Variants in PARVA observed in about 807,000 individuals in gnomAD.
PARVA encodes the protein parvin alpha, also known as alpha-parvin.
PARVA carries 25 observed loss-of-function variants against 52.6 expected under a neutral mutation model. The observed-to-expected ratio is 0.48, with a 90% CI of 0.35 to 0.66. The LOEUF (loss-of-function observed/expected upper bound fraction) is 0.66, where lower values mean the gene tolerates loss of function less well. Among genes scored for constraint, PARVA ranks in the 30% least tolerant of loss-of-function variants. The probability of loss-of-function intolerance (pLI) is 0.01; values close to 1 mark genes in which losing one functional copy is unlikely to be tolerated. For missense variants in PARVA, 373 were observed against 450.9 expected, an observed-to-expected ratio of 0.83 and a Z score of 1.56; for synonymous variants, 185 against 179.1, an observed-to-expected ratio of 1.03 and a Z score of -0.26.
chr11:12,396,792 G>C (rs1465510061), intron 1 of PARVA, among the ~76,000 whole-genome samples: 1 of 152,100 alleles, frequency 6.6e-6, no homozygotes, highest in African/African-American at 2.4e-5. Flanking sequence ...ATTTTTAAAG[G>C]GTAGAAATAT....
rs1366578008 is a variant in PARVA, at chr11:12,496,564, A to G, written c.507A>G (p.Lys169=). ...TGGAGAAGATCAATGAAACCCTGAAACTTCCTCCCAGGAGCATCAAGTGGA... is the reference window on the plus strand; with the variant it reads ...TGGAGAAGATCAATGAAACCCTGAAGCTTCCTCCCAGGAGCATCAAGTGGA... The part of the protein sequence containing the change: ...TVLEKINETL[K]LPPRSIKWNV... Residue 169 remains lysine (K), a synonymous_variant, in exon 5 of 13, where the codon AAA becomes AAG. Coordinates refer to ENST00000334956, the MANE Select transcript of PARVA (RefSeq NM_018222.5). The G allele has an allele frequency of 1.2e-6, 2 of 1,612,316 alleles. No homozygotes were observed. The highest frequency in any genetic ancestry group is 3.3e-5 in the Admixed American group (2 of 59,830).
chr11:12,385,759 G>A (rs1161215050), intron 1 of PARVA, among the ~76,000 whole-genome samples: 1 of 152,114 alleles, frequency 6.6e-6, no homozygotes, highest in Admixed American at 6.5e-5. Context: ...ATTTTCATGT[G>A]TTACAAAAGA....
chr11:12,523,625 G>A (rs955185741), intron 12 of PARVA, among the ~76,000 whole-genome samples: 3 of 152,120 alleles, frequency 2.0e-5, no homozygotes, highest in African/African-American at 7.2e-5. Flanking sequence ...CTCTGGGGGG[G>A]AGGAGCAAAC....
chr11:12,458,571 A>G (rs927968759), intron 1 of PARVA, among the ~76,000 whole-genome samples: 1 of 114,256 alleles, frequency 8.8e-6, no homozygotes, highest in Non-Finnish European at 1.8e-5. Context: ...TCCTAAAAAT[A>G]TACTAACTCC....
rs1048245738 is a variant in PARVA at position 12,533,525 on chromosome 11, G to A, written c.*5600G>A. Among the ~76,000 whole-genome samples the A allele has an allele frequency of 1.3e-5, 2 of 152,104 alleles. No individual in the cohort carries two copies. Among genetic ancestry groups the A allele is most frequent in the Non-Finnish European group, 2.9e-5 (2 of 68,024 alleles). ...TGAAACAACTTTCATATGAAAGTAC[G>A]GTTGATCCTTGAATGATATGGGCAC... On this transcript the variant is annotated 3_prime_UTR_variant, in exon 13 of 13. Transcript: ENST00000334956.
intron 1 of PARVA, among the ~76,000 whole-genome samples, chr11:12,409,135 G>C (rs138664868): frequency 2.6e-5 from 4 of 152,346 alleles, no homozygotes; most frequent in African/African-American, 9.6e-5. Context: ...GAGGATTTTA[G>C]CAAGTGAGTG....
At chr11:12,499,340 T>C (rs1460086751) in intron 5 of PARVA, among the ~76,000 whole-genome samples, 3 of 152,166 alleles carry the variant, frequency 2.0e-5, no homozygotes, top group Admixed American at 2.0e-4. Flanking sequence ...GATGTAAACC[T>C]GAGGACACTG....
At chr11:12,460,656 G>A (rs932410267) in intron 1 of PARVA, among the ~76,000 whole-genome samples, 1 of 152,138 alleles carries the variant, frequency 6.6e-6, no homozygotes, top group Admixed American at 6.5e-5. Flanking sequence ...TGTTTCCAAG[G>A]TTACCTCTTA....
intron 1 of PARVA, among the ~76,000 whole-genome samples, chr11:12,470,929 G>A (rs1348669983): frequency 6.6e-6 from 1 of 152,314 alleles, no homozygotes; most frequent in Non-Finnish European, 1.5e-5. Context: ...GATAGGCCAG[G>A]CAAAAGATAA....
In PARVA at chr11:12,513,345, G is replaced by A. The variant is rs1476335072; in HGVS notation, c.783G>A (p.Leu261=). The change falls in exon 9 of 13, where the codon CTG becomes CTA. Residue 261 remains leucine (L), a synonymous_variant. Transcript: ENST00000334956. ...TGTTCGACCATGCCCCAGACAAGCT[G>A]AATGTGGTGAAAAAGGTGGGAAAGG... is the stretch of plus-strand genomic sequence containing the variant. ...DTLFDHAPDK[L]NVVKKTLITF... 1.9e-6 allele frequency: 3 copies of A among 1,613,924 alleles called. No homozygotes were observed. In the Admixed American group the frequency reaches 5.0e-5, roughly 27 times the overall value.
chr11:12,425,387 C>T (rs1036979809), intron 1 of PARVA, among the ~76,000 whole-genome samples: 19 of 152,138 alleles, frequency 1.2e-4, no homozygotes, highest in Admixed American at 5.9e-4. Flanking sequence ...CAAGGCCTTC[C>T]CTCACCCCGC....
At chr11:12,434,434 C>G (rs1940359678) in intron 1 of PARVA, among the ~76,000 whole-genome samples, 1 of 152,204 alleles carries the variant, frequency 6.6e-6, no homozygotes, top group South Asian at 2.1e-4. Context: ...AACAGGCCTT[C>G]TCTTTCCCGG....
At chr11:12,465,527 T>G (rs76222092) in intron 1 of PARVA, among the ~76,000 whole-genome samples, 3,728 of 152,358 alleles carry the variant, frequency 0.024, 69 homozygotes, top group Non-Finnish European at 0.035. Context: ...AAAAATCTTC[T>G]GTACTTTGCC....
chr11:12,397,734 G>A (rs1939769862), intron 1 of PARVA, among the ~76,000 whole-genome samples: 1 of 151,638 alleles, frequency 6.6e-6, no homozygotes, highest in Non-Finnish European at 1.5e-5. Context: ...CAGACAGGAT[G>A]TTTTGGATCT....
chr11:12,472,421 G>C (rs940038980), intron 1 of PARVA, among the ~76,000 whole-genome samples: 7 of 152,208 alleles, frequency 4.6e-5, no homozygotes, highest in Admixed American at 3.9e-4. Flanking sequence ...CGGTGTCTGT[G>C]AATGTGGAGA....
chr11:12,443,169 CTTTTT>C (rs1180380526), intron 1 of PARVA, among the ~76,000 whole-genome samples: 2 of 78,328 alleles, frequency 2.6e-5, no homozygotes, highest in Non-Finnish European at 4.6e-5. Flanking sequence ...CGCCCCCCTT[CTTTTT>C]TTTTTTTTTT....
intron 5 of PARVA, among the ~76,000 whole-genome samples, chr11:12,502,882 T>C (rs1476226748): frequency 6.6e-6 from 1 of 152,060 alleles, no homozygotes; most frequent in Non-Finnish European, 1.5e-5. Flanking sequence ...CCTCCATTTG[T>C]AAAGATGAGC....
At chr11:12,523,171 A>T (rs61875589) in intron 12 of PARVA, among the ~76,000 whole-genome samples, 1 of 152,236 alleles carries the variant, frequency 6.6e-6, no homozygotes, top group East Asian at 1.9e-4. Flanking sequence ...ACCACCAGAT[A>T]GGGCAGTAGG....
intron 1 of PARVA, among the ~76,000 whole-genome samples, chr11:12,459,531 C>T (rs577142607): frequency 2.0e-5 from 3 of 152,164 alleles, no homozygotes; most frequent in Non-Finnish European, 4.4e-5. Flanking sequence ...TGCCTGTGAG[C>T]ACCCACTCAC....
Sources: allele counts gnomAD v4.1 joint callset (sites outside exome capture counted in the v4.1 genomes callset), GRCh38; gene constraint gnomAD v4.1.1; transcripts MANE v1.5; gene names NCBI Gene and HGNC (gene_info 2026-07-23, HGNC 2026-07-21).